PSPH: variants seen among roughly 807,000 people sequenced by gnomAD.
PSPH encodes the protein phosphoserine phosphatase.
In PSPH, 16 loss-of-function variants were observed where a neutral mutation model predicts 23.4. The observed-to-expected ratio is 0.68, with a 90% CI of 0.46 to 1.04. The LOEUF (loss-of-function observed/expected upper bound fraction) is 1.04. PSPH is among the 50% of genes least tolerant of loss of function. The pLI is 0.00. For synonymous variants in PSPH, 68 were observed against 99.7 expected (o/e 0.68, Z 1.89); for missense variants, 223 against 273.7 (o/e 0.81, Z 1.31).
chr7:56,039,857 G>A (rs947302122), intron 1 of PSPH, among the ~76,000 whole-genome samples: 61 of 151,568 alleles, frequency 4.0e-4, no homozygotes, highest in African/African-American at 1.1e-3. Flanking sequence ...CCAGCACTTT[G>A]GGAGGCCGAG....
chr7:56,041,608 T>C (rs562699896), intron 1 of PSPH, among the ~76,000 whole-genome samples: 1 of 151,924 alleles, frequency 6.6e-6, no homozygotes, highest in South Asian at 2.1e-4. Flanking sequence ...AAGAGAAAAT[T>C]TGGACATGGA....
chr7:56,013,130 T>C (rs371909716), intron 7 of PSPH, among the ~76,000 whole-genome samples: 7 of 140,678 alleles, frequency 5.0e-5, no homozygotes, highest in South Asian at 2.2e-4. Flanking sequence ...TACACACACA[T>C]ATATATACGT....
intron 3 of PSPH, among the ~76,000 whole-genome samples, chr7:56,024,796 T>C (rs1789957699): frequency 7.2e-6 from 1 of 138,510 alleles, no homozygotes; most frequent in Non-Finnish European, 1.5e-5. Flanking sequence ...CAGTGTCTAT[T>C]AATAAATCTT....
chr7:56,043,560 T>C (rs1187402238), intron 1 of PSPH, among the ~76,000 whole-genome samples: 4 of 152,040 alleles, frequency 2.6e-5, no homozygotes, highest in African/African-American at 9.7e-5. Context: ...CTCATGCCTG[T>C]AATCCTAGCA....
intron 3 of PSPH, among the ~76,000 whole-genome samples, chr7:56,023,561 C>T (rs770639440): frequency 2.1e-4 from 32 of 151,978 alleles, no homozygotes; most frequent in Non-Finnish European, 7.4e-5. Context: ...CCATGCCTGG[C>T]CTTTATTTTT....
In PSPH at chr7:56,045,637, C is replaced by T. The variant is rs139247029; in HGVS notation, c.-292+5501G>A. 5.8e-3 allele frequency among the ~76,000 whole-genome samples: 880 copies of T among 152,068 alleles called. 10 individuals are homozygous for T. The highest frequency in any genetic ancestry group is 0.012 in the South Asian group (59 of 4,812). On this transcript the variant is annotated intron_variant, in intron 1 of 7. Transcript: ENST00000275605. ...CGCGGTGGCTCCAGGCCTGTAATCC[C>T]AGGACTTTGGGAGGCCGAGGCAGGT...
chr7:56,035,343 T>A (rs1277972816), intron 1 of PSPH, among the ~76,000 whole-genome samples: 1 of 150,556 alleles, frequency 6.6e-6, no homozygotes, highest in African/African-American at 2.4e-5. Flanking sequence ...AAACTCCGTT[T>A]AAAAAAAAAA....
intron 1 of PSPH, among the ~76,000 whole-genome samples, chr7:56,041,878 G>C (rs1054995600): frequency 6.6e-6 from 1 of 151,604 alleles, no homozygotes; most frequent in Admixed American, 6.6e-5. Context: ...AGCTGAGATT[G>C]TGCCACTGGC....
At chr7:56,017,584 C>G (rs907566004) in intron 5 of PSPH, among the ~76,000 whole-genome samples, 1 of 151,810 alleles carries the variant, frequency 6.6e-6, no homozygotes, top group Non-Finnish European at 1.5e-5. Flanking sequence ...GAGTCTCGCT[C>G]TGTCGCCCAG....
At chr7:56,036,088 G>C (rs1791687590) in intron 1 of PSPH, among the ~76,000 whole-genome samples, 1 of 151,966 alleles carries the variant, frequency 6.6e-6, no homozygotes, top group South Asian at 2.1e-4. Context: ...CATTAGCCTG[G>C]CATGGTGGTG....
intron 1 of PSPH, among the ~76,000 whole-genome samples, chr7:56,045,202 G>A (rs909145541): frequency 5.3e-5 from 8 of 152,180 alleles, no homozygotes; most frequent in Non-Finnish European, 1.0e-4. Flanking sequence ...AATGTATAAT[G>A]AATGATGAAA....
intron 1 of PSPH, among the ~76,000 whole-genome samples, chr7:56,048,969 G>C (rs906436965): frequency 1.3e-5 from 2 of 151,998 alleles, no homozygotes; most frequent in Admixed American, 1.3e-4. Flanking sequence ...ACCCAGGCTG[G>C]AGTGCAGTGG....
At chr7:56,020,048 C>T (rs2116641126) in intron 4 of PSPH, among the ~76,000 whole-genome samples, 1 of 150,942 alleles carries the variant, frequency 6.6e-6, no homozygotes, top group South Asian at 2.1e-4. Flanking sequence ...AAAACCCCAT[C>T]TTTACTAAAA....
At chr7:56,027,215 A>C (rs1368257160) in intron 3 of PSPH, among the ~76,000 whole-genome samples, 3 of 151,098 alleles carry the variant, frequency 2.0e-5, no homozygotes, top group Non-Finnish European at 3.0e-5. Context: ...CAAAAACAAA[A>C]AAAAAAAAAA....
At chr7:56,028,018 C>G (rs1489534715) in intron 3 of PSPH, among the ~76,000 whole-genome samples, 1 of 149,902 alleles carries the variant, frequency 6.7e-6, no homozygotes, top group African/African-American at 2.5e-5. Flanking sequence ...CACAGCACTC[C>G]AGCCTGGGTG....
At chr7:56,021,794 A>T (rs34667212) in intron 3 of PSPH, among the ~76,000 whole-genome samples, 6,693 of 150,794 alleles carry the variant, frequency 0.044, 267 homozygotes, top group East Asian at 0.21. Flanking sequence ...CTAAAAATAT[A>T]AAAAAATTAG....
chr7:56,021,341 T>A, intron 3 of PSPH, 110 bp from the exon 4 acceptor site: 1 of 1,007,310 alleles, frequency 9.9e-7, no homozygotes, highest in Non-Finnish European at 1.5e-6. Flanking sequence ...GCAGGCCACA[T>A]AAGAGTGTTC....
chr7:56,021,295 G>C, intron 3 of PSPH, 64 bp from the exon 4 acceptor site: 1 of 1,456,608 alleles, frequency 6.9e-7, no homozygotes, highest in East Asian at 2.4e-5. Flanking sequence ...ATCCCACCTT[G>C]CCTACTAAGC....
intron 3 of PSPH, among the ~76,000 whole-genome samples, chr7:56,031,167 C>T (rs1242583044): frequency 1.3e-5 from 2 of 150,864 alleles, no homozygotes; most frequent in Admixed American, 6.6e-5. Flanking sequence ...GCCGAGATTC[C>T]GCCACTGCAG....
Sources: gnomAD v4.1 joint callset for allele counts (sites outside exome capture counted in the v4.1 genomes callset) on GRCh38, gnomAD v4.1.1 for gene constraint, MANE v1.5 for transcripts, NCBI Gene and HGNC (gene_info 2026-07-23, HGNC 2026-07-21) for gene names.